Variants in DENND4A observed in about 807,000 individuals in gnomAD.
The protein encoded by DENND4A is C-myc promoter-binding protein.
DENND4A carries 70 observed loss-of-function variants against 199.3 expected under a neutral mutation model. That is an observed-to-expected ratio of 0.35 (90% CI 0.29 to 0.43). The LOEUF is 0.43. Ranked by LOEUF, DENND4A falls within the 20% of genes least tolerant of loss-of-function variation. The pLI is 1.00. For missense variants in DENND4A, 1,723 were observed against 2,255.8 expected (o/e 0.76, Z 4.78); for synonymous variants, 686 against 766.9 (o/e 0.89, Z 1.74).
rs1435137020 is a variant in DENND4A at position 65,720,947 on chromosome 15, T to TTC, written c.1588+1900_1588+1901insGA. On this transcript the variant is annotated intron_variant, in intron 12 of 32. Transcript: ENST00000443035. ...AAAGTTGAATGGGCTGTTTCATTGA[T>TTC]TATATATATATATATATATATATAT... 5.4e-4 allele frequency among the ~76,000 whole-genome samples: 41 copies of TTC among 76,258 alleles called. 1 individual carries two copies. The highest frequency in any genetic ancestry group is 6.6e-4 in the Non-Finnish European group (24 of 36,376). The allele number at this position is 76,258 out of a possible 152,430, so 50.0% of individuals were successfully genotyped here.
At chr15:65,670,978 G>A (rs1397178375) in intron 25 of DENND4A, among the ~76,000 whole-genome samples, 1 of 152,098 alleles carries the variant, frequency 6.6e-6, no homozygotes, top group African/African-American at 2.4e-5. Flanking sequence ...AAGTGAAAAA[G>A]TATAACTTTT....
Position 65,667,499 on chromosome 15 carries a change from T to C in DENND4A, c.5191A>G (p.Asn1731Asp), listed in dbSNP as rs1224122819. Residue 1731 changes from asparagine to aspartate, a missense_variant, in exon 29 of 33, where the codon AAC (asparagine) becomes GAC (aspartate). Physicochemically the swap from Asn to Asp is conservative, Grantham distance 23 (BLOSUM62 1). Transcript: ENST00000443035. ...GAAGAAAGAATCAATCCAGGTAAGT[T>C]ACTGGGCAAGTCAAGACGTCTGAAA... ...WYFRRLDLPS[N>D]LPGLILSSEH... is the part of the protein sequence containing the mutation. The C allele has an allele frequency of 6.2e-7, 1 of 1,613,998 alleles. No individual in the cohort carries two copies. Among genetic ancestry groups the C allele is most frequent in the Non-Finnish European group, 8.5e-7 (1 of 1,179,880 alleles).
At chr15:65,746,565 T>C (rs145774693) in intron 4 of DENND4A, among the ~76,000 whole-genome samples, 191 of 151,298 alleles carry the variant, frequency 1.3e-3, no homozygotes, top group Non-Finnish European at 2.2e-3. Flanking sequence ...TTTTGTATTT[T>C]AGTAGAGACA....
chr15:65,776,070 T>C (rs1247346514), intron 1 of DENND4A, among the ~76,000 whole-genome samples: 1 of 152,204 alleles, frequency 6.6e-6, no homozygotes, highest in African/African-American at 2.4e-5. Flanking sequence ...CTAGAGTATC[T>C]TGTACATATC....
intron 12 of DENND4A, among the ~76,000 whole-genome samples, chr15:65,719,973 C>CA (rs2075560436): frequency 6.6e-6 from 1 of 152,046 alleles, no homozygotes; most frequent in Non-Finnish European, 1.5e-5. Flanking sequence ...GACAATTCTA[C>CA]AATGGTAAGT....
chr15:65,703,155 C>T (rs2074933813), intron 15 of DENND4A, 147 bp from the exon 16 acceptor site: 1 of 649,320 alleles, frequency 1.5e-6, no homozygotes, highest in African/African-American at 1.8e-5. Flanking sequence ...GATATACACT[C>T]AACAAATATT....
chr15:65,674,666 C>G (rs1356574025), intron 24 of DENND4A, among the ~76,000 whole-genome samples: 1 of 150,344 alleles, frequency 6.7e-6, no homozygotes, highest in Non-Finnish European at 1.5e-5. Context: ...CATGGGAGAT[C>G]ATGGTTGCAG....
intron 14 of DENND4A, among the ~76,000 whole-genome samples, chr15:65,714,250 A>C (rs1229057033): frequency 6.6e-6 from 1 of 151,822 alleles, no homozygotes; most frequent in Non-Finnish European, 1.5e-5. Flanking sequence ...TCTCTACTAA[A>C]AAAATACAAA....
intron 23 of DENND4A, among the ~76,000 whole-genome samples, chr15:65,685,247 C>A (rs2076728706): frequency 6.6e-6 from 1 of 152,190 alleles, no homozygotes; most frequent in Admixed American, 6.5e-5. Context: ...CTGCCTCAGC[C>A]TCCCGAGTAG....
At position 65,701,107 on chromosome 15, in the gene DENND4A, G is replaced by A. The variant is rs2074853631; in HGVS notation, c.2645C>T (p.Thr882Ile). The change falls in exon 19 of 33, where the codon ACA (threonine) becomes ATA (isoleucine). Residue 882 changes from threonine to isoleucine, a missense_variant. Thr to Ile is a moderately conservative substitution (Grantham distance 89). Around this residue, in one of 6 missense-constraint regions of DENND4A, gnomAD observed 650 missense variants for 738.1 expected, o/e 0.88. Coordinates refer to ENST00000443035, the MANE Select transcript of DENND4A (RefSeq NM_001320835.1). ...CTTCTTTAAAGCTCTTTTGAACTGT[G>A]TTACTCCTAAAACAACATTTCTTAC... ...TKVRNVVLGV[T>I]QFKRALKKHA... 6.2e-7 allele frequency: 1 copy of A among 1,610,822 alleles called. No homozygotes were observed. The highest frequency in any genetic ancestry group is 8.5e-7 in the Non-Finnish European group (1 of 1,178,662).
At position 65,700,588 on chromosome 15, in the gene DENND4A, G is replaced by A. The variant is rs547020707; in HGVS notation, c.2789C>T (p.Thr930Met). The A allele has an allele frequency of 5.1e-5, 79 of 1,545,228 alleles. No individual in the cohort carries two copies. Among genetic ancestry groups the A allele is most frequent in the South Asian group, 2.2e-4 (18 of 83,256 alleles). ...THTVEQAPFN[T>M]GLIKVYATDD... Reference sequence around the variant, plus strand: ...AGTAGCATATACTTTGATTAAACCCGTATTAAAAGGTGCCTGCTCCACAGT... The same window carrying A: ...AGTAGCATATACTTTGATTAAACCCATATTAAAAGGTGCCTGCTCCACAGT... The change falls in exon 20 of 33, where the codon ACG (threonine) becomes ATG (methionine). Residue 930 changes from threonine (T) to methionine (M), a missense_variant. Around this residue, in one of 6 missense-constraint regions of DENND4A, gnomAD observed 650 missense variants for 738.1 expected, o/e 0.88. Transcript: ENST00000443035.
chr15:65,677,778 C>G (rs926774336), intron 23 of DENND4A, among the ~76,000 whole-genome samples: 3 of 152,148 alleles, frequency 2.0e-5, no homozygotes, highest in Admixed American at 2.0e-4. Context: ...ATATCCCAAA[C>G]TTCTATGTAC....
chr15:65,660,084 T>C lies in DENND4A; in HGVS notation c.*1767A>G. On this transcript the variant is annotated 3_prime_UTR_variant, in exon 33 of 33. Coordinates refer to ENST00000443035, the MANE Select transcript of DENND4A (RefSeq NM_001320835.1). Reference sequence around the variant, plus strand: ...TGAAATGTTTCTCTCAGTTGACAACTTTCAAATGATTTAAAGAACATGAAG... The same window carrying C: ...TGAAATGTTTCTCTCAGTTGACAACCTTCAAATGATTTAAAGAACATGAAG... 2.0e-6 allele frequency: 1 copy of C among 496,394 alleles called. No individual in the cohort carries two copies. Among genetic ancestry groups the C allele is most frequent in the Non-Finnish European group, 3.6e-6 (1 of 280,804 alleles). The allele number at this position is 496,394 out of a possible 1,614,324, so 30.7% of individuals were successfully genotyped here.
At chr15:65,735,730 C>A (rs893743690) in intron 7 of DENND4A, among the ~76,000 whole-genome samples, 1 of 152,158 alleles carries the variant, frequency 6.6e-6, no homozygotes, top group East Asian at 1.9e-4. Flanking sequence ...TTTGGAAATA[C>A]ACTTGTGCAA....
rs1253487152 is a variant in DENND4A at position 65,752,627 on chromosome 15, C to T, written c.313G>A (p.Val105Ile). The T allele has an allele frequency of 6.7e-7, 1 of 1,489,792 alleles. No individual in the cohort carries two copies. Among genetic ancestry groups the T allele is most frequent in the African/African-American group, 1.4e-5 (1 of 70,176 alleles). 92.3% of individuals were successfully genotyped at this position (1,489,792 alleles called of 1,614,324 possible). The part of the protein sequence containing the change: ...RDKPPLTDLG[V>I]LYDWKERLKQ... ...AATCTTTCTTTCCAGTCATATAAAA[C>T]CCTAAAAATAAATTTTTAAAAATAA... Residue 105 changes from valine to isoleucine, a missense_variant and splice_region_variant, in exon 4 of 33, where the codon GTT (valine) becomes ATT (isoleucine). By Grantham distance (29) the Val-to-Ile change is conservative. This residue lies in a region of DENND4A where 725 missense variants were observed against 952.9 expected (regional missense o/e 0.76). Transcript: ENST00000443035.
chr15:65,683,826 C>A (rs1268905720), intron 23 of DENND4A, among the ~76,000 whole-genome samples: 2 of 152,288 alleles, frequency 1.3e-5, no homozygotes, highest in East Asian at 3.9e-4. Context: ...TAGAACGTTT[C>A]TAATTTTAGA....
Position 65,691,386 on chromosome 15 carries a change from C to T in DENND4A, c.3208G>A (p.Val1070Ile), listed in dbSNP as rs140046269. Residue 1070 changes from valine (V) to isoleucine (I), a missense_variant, in exon 23 of 33, where the codon GTC becomes ATC. Val to Ile is a conservative substitution (Grantham distance 29). Transcript: ENST00000443035. Reference protein sequence around the residue: ...DNETNLQQQVVWGNRNRNLSG... With the variant: ...DNETNLQQQVIWGNRNRNLSG... ...AGATTACGGTTTCTATTTCCCCAGACCACTTGCTGCTGCAAATTAGTTTCA... is the reference window on the plus strand; with the variant it reads ...AGATTACGGTTTCTATTTCCCCAGATCACTTGCTGCTGCAAATTAGTTTCA... 6.2e-7 allele frequency: 1 copy of T among 1,613,602 alleles called. No individual in the cohort carries two copies. The highest frequency in any genetic ancestry group is 2.2e-5 in the East Asian group (1 of 44,868).
At chr15:65,681,673 T>G (rs919751520) in intron 23 of DENND4A, among the ~76,000 whole-genome samples, 3 of 151,872 alleles carry the variant, frequency 2.0e-5, no homozygotes, top group Non-Finnish European at 4.4e-5. Context: ...CTTCCCAGAT[T>G]CAAGCGATTC....
intron 14 of DENND4A, among the ~76,000 whole-genome samples, chr15:65,706,644 T>C (rs186085486): frequency 0.011 from 1,690 of 152,168 alleles, 19 homozygotes; most frequent in Middle Eastern, 0.041. Context: ...TACAGGCGTG[T>C]GCCACCATGC....
Sources: gnomAD v4.1 joint callset for allele counts (sites outside exome capture counted in the v4.1 genomes callset) on GRCh38, gnomAD v4.1.1 for gene constraint, gnomAD v4.1.1 regional missense constraint, MANE v1.5 for transcripts, NCBI Gene and HGNC (gene_info 2026-07-23, HGNC 2026-07-21) for gene names.